Variants in ADAMTSL1 observed in about 807,000 individuals in gnomAD.
ADAMTSL1 encodes the protein ADAMTS-like protein 1.
A neutral mutation model predicts 201.8 loss-of-function variants in ADAMTSL1; 126 were observed. The observed-to-expected ratio is 0.62, with a 90% CI of 0.54 to 0.72. The LOEUF is 0.72. Among genes scored for constraint, ADAMTSL1 ranks in the 30% least tolerant of loss-of-function variants. ADAMTSL1 has a pLI of 0.00. For missense variants in ADAMTSL1, 2,679 were observed against 2,277.8 expected, an observed-to-expected ratio of 1.18 and a Z score of -3.59; for synonymous variants, 1,121 against 903.4, an observed-to-expected ratio of 1.24 and a Z score of -4.32.
At chr9:18,605,354 C>T (rs185851258) in intron 4 of ADAMTSL1, among the ~76,000 whole-genome samples, 1 of 152,238 alleles carries the variant, frequency 6.6e-6, no homozygotes, top group Admixed American at 6.5e-5. Flanking sequence ...TCCCTAATAT[C>T]CAATTAGGAC....
At chr9:17,909,818 C>T (rs1290327204) in intron 1 of ADAMTSL1, among the ~76,000 whole-genome samples, 1 of 64,972 alleles carries the variant, frequency 1.5e-5, no homozygotes, top group African/African-American at 3.1e-5. Flanking sequence ...ACATCACACT[C>T]TGGGGCCTGT....
intron 2 of ADAMTSL1, among the ~76,000 whole-genome samples, chr9:18,505,184 C>T (rs1823059284): frequency 6.6e-6 from 1 of 152,166 alleles, no homozygotes; most frequent in South Asian, 2.1e-4. Flanking sequence ...AGATGATAAG[C>T]AATAGAGAAA....
chr9:17,940,004 G>C (rs1827170492), intron 1 of ADAMTSL1, among the ~76,000 whole-genome samples: 1 of 152,034 alleles, frequency 6.6e-6, no homozygotes, highest in African/African-American at 2.4e-5. Context: ...GCATTGCAGA[G>C]GCATGGAAGC....
intron 2 of ADAMTSL1, among the ~76,000 whole-genome samples, chr9:18,347,994 G>C (rs1169090648): frequency 6.6e-6 from 1 of 152,164 alleles, no homozygotes; most frequent in South Asian, 2.1e-4. Flanking sequence ...GAAGAAGAAA[G>C]GAAAGCATTG....
At chr9:18,652,422 G>A (rs773372801) in intron 7 of ADAMTSL1, among the ~76,000 whole-genome samples, 38 of 150,496 alleles carry the variant, frequency 2.5e-4, no homozygotes, top group Non-Finnish European at 5.0e-4. Context: ...TGGGCAGCCT[G>A]TAAATCTTGG....
At chr9:18,037,817 T>A (rs1821265216) in intron 1 of ADAMTSL1, among the ~76,000 whole-genome samples, 1 of 152,178 alleles carries the variant, frequency 6.6e-6, no homozygotes, top group Non-Finnish European at 1.5e-5. Context: ...AAATACAGCG[T>A]GCAGAAATAG....
At chr9:18,581,364 A>G (rs2132412672) in intron 4 of ADAMTSL1, among the ~76,000 whole-genome samples, 1 of 152,318 alleles carries the variant, frequency 6.6e-6, no homozygotes, top group Admixed American at 6.5e-5. Flanking sequence ...TCACATTTAT[A>G]GGCATCAGAG....
chr9:18,898,165 G>C (rs1344285437), intron 26 of ADAMTSL1, among the ~76,000 whole-genome samples: 1 of 152,170 alleles, frequency 6.6e-6, no homozygotes, highest in African/African-American at 2.4e-5. Flanking sequence ...TTCCAGCCTG[G>C]GTGACAGAGC....
intron 2 of ADAMTSL1, among the ~76,000 whole-genome samples, chr9:18,347,450 A>G (rs1267930523): frequency 2.0e-5 from 3 of 152,150 alleles, no homozygotes; most frequent in Admixed American, 2.0e-4. Flanking sequence ...TTTAAATTGG[A>G]GTATCATGTC....
chr9:18,353,466 C>A (rs1836067372), intron 2 of ADAMTSL1, among the ~76,000 whole-genome samples: 1 of 152,096 alleles, frequency 6.6e-6, no homozygotes, highest in Non-Finnish European at 1.5e-5. Context: ...TTTATGGAGG[C>A]TAAAAGGATT....
chr9:18,363,949 C>A lies in ADAMTSL1; in HGVS notation c.208-140880C>A, dbSNP rs190396673. 1.8e-4 allele frequency among the ~76,000 whole-genome samples: 27 copies of A among 152,116 alleles called. No individual in the cohort carries two copies. In the East Asian group the frequency reaches 5.2e-3, roughly 29 times the overall value. ...ATAGAGGAAGGAACATAGTTTCTAG[C>A]AACATGGTGTAAGCCTCCTAGACAC... On this transcript the variant is annotated intron_variant, in intron 2 of 29. Coordinates refer to the ADAMTSL1 transcript ENST00000680146.
chr9:18,667,022 C>T (rs1431568027), intron 9 of ADAMTSL1, among the ~76,000 whole-genome samples: 2 of 148,546 alleles, frequency 1.3e-5, no homozygotes, highest in Non-Finnish European at 3.0e-5. Context: ...CTTAAATTGG[C>T]AAGAGGTGGA....
intron 2 of ADAMTSL1, among the ~76,000 whole-genome samples, chr9:18,456,558 G>C (rs1820613870): frequency 6.6e-6 from 1 of 152,178 alleles, no homozygotes; most frequent in South Asian, 2.1e-4. Flanking sequence ...CCTTCCCTTA[G>C]TACCTAATGG....
At chr9:18,033,983 C>G (rs1010012494) in intron 1 of ADAMTSL1, among the ~76,000 whole-genome samples, 1 of 152,164 alleles carries the variant, frequency 6.6e-6, no homozygotes, top group Non-Finnish European at 1.5e-5. Flanking sequence ...TTCTTCCCTC[C>G]TCTCTTCTCT....
chr9:18,587,639 C>A (rs1823595966), intron 4 of ADAMTSL1, among the ~76,000 whole-genome samples: 1 of 152,152 alleles, frequency 6.6e-6, no homozygotes, highest in Non-Finnish European at 1.5e-5. Context: ...TTGTTCCCCT[C>A]CTGCTTCCCT....
At chr9:18,836,768 T>C (rs983954901) in intron 23 of ADAMTSL1, among the ~76,000 whole-genome samples, 2 of 152,214 alleles carry the variant, frequency 1.3e-5, no homozygotes, top group Admixed American at 6.5e-5. Context: ...TCATCTATGA[T>C]TTCTTTCAGC....
intron 4 of ADAMTSL1, among the ~76,000 whole-genome samples, chr9:18,583,839 G>T (rs576762758): frequency 9.2e-5 from 14 of 152,288 alleles, no homozygotes; most frequent in Admixed American, 3.3e-4. Flanking sequence ...CTTGAGTAGG[G>T]CCTGTAGTCC....
At chr9:18,242,220 C>G (rs964816654) in intron 2 of ADAMTSL1, among the ~76,000 whole-genome samples, 1 of 152,060 alleles carries the variant, frequency 6.6e-6, no homozygotes, top group African/African-American at 2.4e-5. Context: ...GCAAATCAAT[C>G]AATGTAATAT....
At chr9:18,908,355 G>A (rs977566983) in intron 28 of ADAMTSL1, 87 bp from the exon 29 acceptor site, 24 of 1,157,722 alleles carry the variant, frequency 2.1e-5, no homozygotes, top group East Asian at 5.2e-5. Flanking sequence ...TGAAACCCCC[G>A]GCTGCACCTC....
Sources: allele counts gnomAD v4.1 joint callset (sites outside exome capture counted in the v4.1 genomes callset), GRCh38; gene constraint gnomAD v4.1.1; transcripts MANE v1.5; gene names NCBI Gene and HGNC (gene_info 2026-07-23, HGNC 2026-07-21).